MCM5: variants seen among roughly 807,000 people sequenced by gnomAD.
MCM5 encodes minichromosome maintenance complex component 5.
Under a neutral mutation model 79.9 loss-of-function variants are expected in MCM5, and 46 were observed. The ratio of observed to expected loss-of-function variants is 0.58; its 90% CI spans 0.45 to 0.74. MCM5 has a LOEUF of 0.74. MCM5 is among the 30% of genes least tolerant of loss of function. MCM5 has a pLI of 0.00. For missense variants in MCM5, 883 were observed against 1,017.0 expected (o/e 0.87, Z 1.79); for synonymous variants, 404 against 390.5 (o/e 1.03, Z -0.41).
chr22:35,431,220 C>A, the MCM5 span, among the ~76,000 whole-genome samples: 4 of 152,198 alleles, frequency 2.6e-5, no homozygotes, highest in African/African-American at 9.7e-5. Flanking sequence ...CGTGACAGAT[C>A]CTGGGGGATG....
Position 35,424,134 on chromosome 22 carries a change from C to T in MCM5, c.2104-20C>T. On this transcript the variant is annotated intron_variant, in intron 16 of 16. Transcript: ENST00000216122. Reference sequence around the variant, plus strand: ...CCCCTCGGGCAGCACGTGCCGTTAGCCAGCCATGTGCTCCCACAGAAATAC... The same window carrying T: ...CCCCTCGGGCAGCACGTGCCGTTAGTCAGCCATGTGCTCCCACAGAAATAC... 5.3e-6 allele frequency: 8 copies of T among 1,518,010 alleles called. No homozygotes were observed. The highest frequency in any genetic ancestry group is 7.2e-6 in the Non-Finnish European group (8 of 1,118,272). 94.0% of individuals were successfully genotyped at this position (1,518,010 alleles called of 1,614,324 possible). A position where few individuals can be genotyped will look rare whatever the true frequency, so the allele number is the denominator to read the frequency against.
chr22:35,443,699 C>G, the MCM5 span, among the ~76,000 whole-genome samples: 2 of 152,222 alleles, frequency 1.3e-5, no homozygotes, highest in Admixed American at 1.3e-4. Context: ...CCACTTCCAG[C>G]CCTGCAGCCT....
At position 35,404,300 on chromosome 22, in the gene MCM5, G is replaced by T. The variant is rs932210429; in HGVS notation, c.423+758G>T. On this transcript the variant is annotated intron_variant, in intron 4 of 16. Transcript: ENST00000216122. Reference sequence around the variant, plus strand: ...AGCTCGTGTGTCTCAGCCAGGACCAGGCATTGTACTGGATTGTTGTTTAAA... The same window carrying T: ...AGCTCGTGTGTCTCAGCCAGGACCATGCATTGTACTGGATTGTTGTTTAAA... Among the ~76,000 whole-genome samples, 40 of 152,350 alleles carry T rather than the reference G, an allele frequency of 2.6e-4. 1 individual carries two copies. Among genetic ancestry groups the T allele is most frequent in the Non-Finnish European group, 1.8e-4 (12 of 68,034 alleles).
intron 10 of MCM5, 97 bp from the exon 11 acceptor site, chr22:35,416,242 A>G: frequency 8.2e-7 from 1 of 1,221,762 alleles, no homozygotes; most frequent in South Asian, 1.3e-5. Flanking sequence ...TGGAGCTGGT[A>G]TTCAGGAGTG....
chr22:35,430,867 C>G, the MCM5 span, among the ~76,000 whole-genome samples: 62,350 of 149,920 alleles, frequency 0.42, 15,611 homozygotes, highest in Non-Finnish European at 0.56. Flanking sequence ...AGTGGGGACT[C>G]TTACCTTGTC....
chr22:35,400,369 C>A, intron 1 of MCM5, 62 bp from the exon 2 acceptor site: 2 of 1,593,150 alleles, frequency 1.3e-6, no homozygotes, highest in Non-Finnish European at 1.7e-6. Context: ...ACCCAGGCGT[C>A]GGAGGGGAGG....
At chr22:35,417,660 C>T (rs1932581507) in intron 12 of MCM5, 84 bp from the exon 13 acceptor site, 1 of 945,462 alleles carries the variant, frequency 1.1e-6, no homozygotes. Context: ...GCCCCATCAG[C>T]TCTTTCTGGC....
chr22:35,405,950 G>A (rs927869935), intron 4 of MCM5, among the ~76,000 whole-genome samples: 1 of 151,656 alleles, frequency 6.6e-6, no homozygotes, highest in Admixed American at 6.6e-5. Flanking sequence ...GGCGGAGGTT[G>A]CAGTAAGCCG....
intron 4 of MCM5, among the ~76,000 whole-genome samples, chr22:35,404,531 T>C (rs1932155229): frequency 2.5e-5 from 1 of 39,634 alleles, no homozygotes; most frequent in African/African-American, 7.6e-5. Context: ...AAGGCCTGAC[T>C]GTGTTTCGAT....
chr22:35,454,468 G>T, the MCM5 span, among the ~76,000 whole-genome samples: 1 of 139,768 alleles, frequency 7.2e-6, no homozygotes, highest in Non-Finnish European at 1.6e-5. Flanking sequence ...TGATGGGATG[G>T]ACAAGACTGG....
chr22:35,415,719 A>C, intron 9 of MCM5, 110 bp from the exon 10 acceptor site: 1 of 1,235,000 alleles, frequency 8.1e-7, no homozygotes, highest in Admixed American at 2.0e-5. Flanking sequence ...CCCTGCAGCC[A>C]GCTTTGATGT....
At chr22:35,446,626 C>T in the MCM5 span, among the ~76,000 whole-genome samples, 6 of 152,208 alleles carry the variant, frequency 3.9e-5, no homozygotes, top group Admixed American at 1.3e-4. Flanking sequence ...GGGGAACAAC[C>T]GGGGCGCCTG....
At chr22:35,435,732 C>G in the MCM5 span, among the ~76,000 whole-genome samples, 1 of 152,208 alleles carries the variant, frequency 6.6e-6, no homozygotes, top group African/African-American at 2.4e-5. Context: ...CTGCCAGCCT[C>G]CCTAACTTGG....
chr22:35,441,054 T>TC, the MCM5 span, among the ~76,000 whole-genome samples: 1 of 119,452 alleles, frequency 8.4e-6, no homozygotes, highest in Non-Finnish European at 1.8e-5. Flanking sequence ...TGAAACTCTG[T>TC]CAAAAAAAAA....
chr22:35,416,053 C>G, intron 10 of MCM5, 81 bp downstream of exon 10: 1 of 1,528,706 alleles, frequency 6.5e-7, no homozygotes, highest in South Asian at 1.2e-5. Context: ...CAGCAGAAAT[C>G]ACCTCTGACT....
chr22:35,442,515 G>A, the MCM5 span, among the ~76,000 whole-genome samples: 3 of 152,172 alleles, frequency 2.0e-5, no homozygotes, highest in Admixed American at 2.0e-4. Context: ...GGTTCTTCCT[G>A]GAAGCTCTGG....
intron 7 of MCM5, 191 bp downstream of exon 7, chr22:35,411,101 G>T: frequency 1.9e-6 from 1 of 523,542 alleles, no homozygotes; most frequent in South Asian, 2.9e-5. Flanking sequence ...TGGCTCCTGG[G>T]CTGAGGGTGT....
chr22:35,438,270 CCCA>C, the MCM5 span, among the ~76,000 whole-genome samples: 2 of 124,240 alleles, frequency 1.6e-5, no homozygotes, highest in African/African-American at 3.0e-5. Flanking sequence ...CACCCACCCA[CCCA>C]CATATTCATC....
Position 35,416,740 on chromosome 22 carries a change from T to A in MCM5, c.1516T>A (p.Phe506Ile). 2 of 1,614,124 alleles carry A rather than the reference T, an allele frequency of 1.2e-6. No individual in the cohort carries two copies. Among genetic ancestry groups the A allele is most frequent in the Non-Finnish European group, 1.7e-6 (2 of 1,180,030 alleles). Reference protein sequence around the residue: ...DETKGEDNIDFMPTILSRFDM... With the variant: ...DETKGEDNIDIMPTILSRFDM... ...GACGAAGGGGGAGGACAACATTGACTTCATGCCCACCATCTTGTCGCGCTT... is the reference window on the plus strand; with the variant it reads ...GACGAAGGGGGAGGACAACATTGACATCATGCCCACCATCTTGTCGCGCTT... Residue 506 changes from phenylalanine (F) to isoleucine (I), a missense_variant, in exon 12 of 17, where the codon TTC becomes ATC. This residue lies in a region of MCM5 where 426 missense variants were observed against 482.3 expected (regional missense o/e 0.88). Coordinates refer to ENST00000216122, the MANE Select transcript of MCM5 (RefSeq NM_006739.4).
Sources: allele counts gnomAD v4.1 joint callset (sites outside exome capture counted in the v4.1 genomes callset), GRCh38; gene constraint gnomAD v4.1.1; regional missense constraint gnomAD v4.1.1; transcripts MANE v1.5; gene names NCBI Gene and HGNC (gene_info 2026-07-23, HGNC 2026-07-21).